TMTC1: variants seen among roughly 807,000 people sequenced by gnomAD.
TMTC1 encodes the protein transmembrane O-mannosyltransferase targeting cadherins 1, also known as protein O-mannosyl-transferase TMTC1.
In TMTC1, 73 loss-of-function variants were observed where a neutral mutation model predicts 104.8. The ratio of observed to expected loss-of-function variants is 0.70; its 90% CI spans 0.58 to 0.85. The LOEUF (loss-of-function observed/expected upper bound fraction) is 0.85, where lower values mean the gene tolerates loss of function less well. Ranked by LOEUF, TMTC1 falls within the 40% of genes least tolerant of loss-of-function variation. TMTC1 has a pLI of 0.00. For missense variants in TMTC1, 1,035 were observed against 1,096.1 expected (o/e 0.94, Z 0.79); for synonymous variants, 434 against 428.7 (o/e 1.01, Z -0.15).
At chr12:29,599,826 C>A (rs1217446323) in intron 7 of TMTC1, among the ~76,000 whole-genome samples, 1 of 151,858 alleles carries the variant, frequency 6.6e-6, no homozygotes, top group Non-Finnish European at 1.5e-5. Flanking sequence ...TGAGACAACA[C>A]AGAGCTTTTG....
intron 6 of TMTC1, among the ~76,000 whole-genome samples, chr12:29,611,600 T>C (rs974738194): frequency 4.6e-5 from 7 of 152,338 alleles, no homozygotes; most frequent in African/African-American, 1.7e-4. Context: ...TACAGGAATT[T>C]ATGATGACAT....
At chr12:29,659,782 T>C (rs183043269) in intron 5 of TMTC1, 242 of 853,426 alleles carry the variant, frequency 2.8e-4, no homozygotes, top group Non-Finnish European at 3.8e-4. Context: ...ACATGGAGGA[T>C]AGACCCCAAT....
chr12:29,728,970 C>T (rs1437943615), intron 5 of TMTC1, among the ~76,000 whole-genome samples: 2 of 148,528 alleles, frequency 1.3e-5, no homozygotes, highest in African/African-American at 2.5e-5. Flanking sequence ...TGCACTCCAT[C>T]CCTGGTGACA....
chr12:29,697,636 T>C (rs553843040), intron 5 of TMTC1, among the ~76,000 whole-genome samples: 1 of 152,196 alleles, frequency 6.6e-6, no homozygotes, highest in East Asian at 1.9e-4. Flanking sequence ...AGAGCCAGGG[T>C]TCTAGCCCAA....
intron 5 of TMTC1, among the ~76,000 whole-genome samples, chr12:29,750,633 G>A (rs1943067341): frequency 6.6e-6 from 1 of 152,354 alleles, no homozygotes; most frequent in South Asian, 2.1e-4. Flanking sequence ...GAAAGAGGGA[G>A]TTTTAAGGGA....
intron 5 of TMTC1, among the ~76,000 whole-genome samples, chr12:29,655,538 C>A (rs151065434): frequency 6.6e-6 from 1 of 152,086 alleles, no homozygotes; most frequent in Non-Finnish European, 1.5e-5. Flanking sequence ...TGTTGTATTC[C>A]TCTCAGTTTG....
intron 5 of TMTC1, among the ~76,000 whole-genome samples, chr12:29,643,631 T>TATA (rs1565733258): frequency 2.8e-4 from 6 of 21,470 alleles, no homozygotes; most frequent in African/African-American, 9.9e-4. Context: ...CTATATATTA[T>TATA]ATATATAATA....
intron 5 of TMTC1, among the ~76,000 whole-genome samples, chr12:29,636,373 T>C (rs1032921048): frequency 6.6e-6 from 1 of 152,262 alleles, no homozygotes; most frequent in African/African-American, 2.4e-5. Context: ...CTATGCAGAA[T>C]GTATTATTTA....
At chr12:29,586,516 T>G (rs1194431136) in intron 7 of TMTC1, among the ~76,000 whole-genome samples, 1 of 152,138 alleles carries the variant, frequency 6.6e-6, no homozygotes, top group African/African-American at 2.4e-5. Flanking sequence ...CTTGTGCCAG[T>G]TTTCAAAGGG....
intron 1 of TMTC1, among the ~76,000 whole-genome samples, chr12:29,771,783 G>T (rs118044885): frequency 1.3e-5 from 2 of 152,116 alleles, no homozygotes; most frequent in African/African-American, 2.4e-5. Context: ...GGATGCTAAG[G>T]GGGGAGGGAA....
At chr12:29,771,681 G>T (rs1290296077) in intron 1 of TMTC1, among the ~76,000 whole-genome samples, 1 of 152,146 alleles carries the variant, frequency 6.6e-6, no homozygotes, top group Non-Finnish European at 1.5e-5. Context: ...TCTACCTGAG[G>T]ATGGGAGAGG....
intron 5 of TMTC1, among the ~76,000 whole-genome samples, chr12:29,709,237 C>A (rs1301137096): frequency 1.3e-5 from 2 of 152,132 alleles, no homozygotes; most frequent in African/African-American, 2.4e-5. Flanking sequence ...TGTCAGACTG[C>A]CTGGATTCAA....
At chr12:29,518,353 C>T (rs1156934714) in intron 13 of TMTC1, 119 bp downstream of exon 13, 1 of 1,229,530 alleles carries the variant, frequency 8.1e-7, no homozygotes, top group Non-Finnish European at 1.1e-6. Flanking sequence ...ATTTGTATCA[C>T]CTGAATTGGC....
chr12:29,637,085 A>AAAACACACAC (rs374276185), intron 5 of TMTC1, among the ~76,000 whole-genome samples: 800 of 47,680 alleles, frequency 0.017, 16 homozygotes, highest in East Asian at 0.086. Context: ...CAAAATGAGA[A>AAAACACACAC]ACACACACAC....
chr12:29,710,241 C>T (rs1017451673), intron 5 of TMTC1, among the ~76,000 whole-genome samples: 3 of 152,144 alleles, frequency 2.0e-5, no homozygotes, highest in African/African-American at 2.4e-5. Flanking sequence ...ACCACTTTGC[C>T]GGGGTCTGCA....
At chr12:29,677,299 T>G (rs991353953) in intron 5 of TMTC1, among the ~76,000 whole-genome samples, 1 of 152,208 alleles carries the variant, frequency 6.6e-6, no homozygotes, top group Admixed American at 6.5e-5. Flanking sequence ...TGTTTATTTG[T>G]TTTTGTTCTT....
intron 17 of TMTC1, among the ~76,000 whole-genome samples, chr12:29,509,527 A>T (rs1438079739): frequency 6.6e-6 from 1 of 152,186 alleles, no homozygotes; most frequent in Non-Finnish European, 1.5e-5. Context: ...TGCACACATG[A>T]CCTGGCAATG....
At chr12:29,611,372 A>C (rs1406463202) in intron 6 of TMTC1, among the ~76,000 whole-genome samples, 1 of 152,194 alleles carries the variant, frequency 6.6e-6, no homozygotes. Context: ...CTAATTTCTA[A>C]CTTTACTTGG....
intron 17 of TMTC1, 43 bp from the exon 18 acceptor site, chr12:29,507,029 C>G: frequency 6.4e-7 from 1 of 1,567,438 alleles, no homozygotes; most frequent in South Asian, 1.1e-5. Flanking sequence ...TGATCCATCA[C>G]AAAACTCTCT....
Sources: allele counts gnomAD v4.1 joint callset (sites outside exome capture counted in the v4.1 genomes callset), GRCh38; gene constraint gnomAD v4.1.1; transcripts MANE v1.5; gene names NCBI Gene and HGNC (gene_info 2026-07-23, HGNC 2026-07-21).